The following SSH2 variants were observed in gnomAD, a reference collection of about 807,000 sequenced individuals.
SSH2 encodes the protein protein phosphatase Slingshot homolog 2.
In SSH2, 37 loss-of-function variants were observed where a neutral mutation model predicts 135.2. The observed-to-expected ratio is 0.27, with a 90% CI of 0.21 to 0.36. The LOEUF (loss-of-function observed/expected upper bound fraction) is 0.36, where lower values mean the gene tolerates loss of function less well. Ranked by LOEUF, SSH2 falls within the 10% of genes least tolerant of loss-of-function variation. SSH2 has a pLI of 1.00. For missense variants in SSH2, 1,408 were observed against 1,765.3 expected (o/e 0.80, Z 3.63); for synonymous variants, 628 against 646.2 (o/e 0.97, Z 0.43).
rs1719115580 is a variant in SSH2, at chr17:29,630,662, T to C, written c.*179A>G. 1 of 464,062 alleles carries C rather than the reference T, an allele frequency of 2.2e-6. No homozygotes were observed. Among genetic ancestry groups the C allele is most frequent in the South Asian group, 6.8e-5 (1 of 14,656 alleles). The allele number at this position is 464,062 out of a possible 1,614,324, so 28.7% of individuals were successfully genotyped here. ...GTCTTGCCATCCAGATCAATCTCTC[T>C]TTCCCCTTACATATACACACACATA... is the stretch of plus-strand genomic sequence containing the variant. On this transcript the variant is annotated 3_prime_UTR_variant, in exon 16 of 16. Coordinates refer to ENST00000540801, the MANE Select transcript of SSH2 (RefSeq NM_001282129.2).
chr17:29,833,936 C>G (rs1216372503), intron 2 of SSH2, among the ~76,000 whole-genome samples: 2 of 131,626 alleles, frequency 1.5e-5, no homozygotes, highest in African/African-American at 5.8e-5. Context: ...TCCCTCCCTC[C>G]CTCCCTGCCT....
At chr17:29,775,857 CT>C (rs1479400001) in intron 3 of SSH2, 11 of 152,214 alleles carry the variant, frequency 7.2e-5, no homozygotes, top group Admixed American at 4.6e-4. Flanking sequence ...TTCAAATACT[CT>C]GTGTTCCAGG....
At chr17:29,747,918 C>G (rs1346849742) in intron 3 of SSH2, among the ~76,000 whole-genome samples, 1 of 152,178 alleles carries the variant, frequency 6.6e-6, no homozygotes, top group Non-Finnish European at 1.5e-5. Flanking sequence ...CTGACAACAT[C>G]TTTAGTTATT....
At chr17:29,746,547 CAAAAAAAA>C (rs57217896) in intron 3 of SSH2, among the ~76,000 whole-genome samples, 7 of 67,938 alleles carry the variant, frequency 1.0e-4, no homozygotes, top group African/African-American at 4.1e-4. Flanking sequence ...GACTCTGTCT[CAAAAAAAA>C]AAAAAAAAAA....
At chr17:29,633,144 C>T (rs564268527) in intron 15 of SSH2, among the ~76,000 whole-genome samples, 42 of 152,302 alleles carry the variant, frequency 2.8e-4, no homozygotes, top group African/African-American at 9.4e-4. Flanking sequence ...TTTGTTATAG[C>T]TTGTGTTACT....
At chr17:29,889,905 G>A (rs971736895) in intron 1 of SSH2, among the ~76,000 whole-genome samples, 4 of 150,922 alleles carry the variant, frequency 2.7e-5, no homozygotes, top group African/African-American at 9.8e-5. Context: ...GCTGCAGTGA[G>A]CTGTGATTGT....
chr17:29,807,616 C>A (rs973058765), intron 2 of SSH2, among the ~76,000 whole-genome samples: 1 of 152,038 alleles, frequency 6.6e-6, no homozygotes, highest in African/African-American at 2.4e-5. Context: ...CACAGGAATT[C>A]AGAAGAGAGA....
intron 2 of SSH2, among the ~76,000 whole-genome samples, chr17:29,794,862 T>C (rs1345689434): frequency 1.3e-5 from 2 of 152,220 alleles, no homozygotes; most frequent in Non-Finnish European, 1.5e-5. Context: ...AATTAGTATA[T>C]GTTATGATAT....
chr17:29,732,924 G>A (rs551123989), intron 3 of SSH2, among the ~76,000 whole-genome samples: 58 of 152,266 alleles, frequency 3.8e-4, no homozygotes, highest in African/African-American at 1.4e-3. Context: ...TATCTTTCAG[G>A]TAACTCACTT....
At chr17:29,864,886 T>C (rs955842971) in intron 1 of SSH2, among the ~76,000 whole-genome samples, 1 of 152,114 alleles carries the variant, frequency 6.6e-6, no homozygotes, top group Non-Finnish European at 1.5e-5. Context: ...ATCTACCAAA[T>C]AAAAATCTAG....
intron 3 of SSH2, among the ~76,000 whole-genome samples, chr17:29,783,060 G>A (rs1462068355): frequency 1.3e-5 from 2 of 151,712 alleles, no homozygotes; most frequent in Non-Finnish European, 2.9e-5. Flanking sequence ...TTGTTGGGTA[G>A]GGGGCCATTG....
At chr17:29,761,026 G>A (rs939944131) in intron 3 of SSH2, 3 of 1,047,702 alleles carry the variant, frequency 2.9e-6, no homozygotes, top group Non-Finnish European at 3.8e-6. Context: ...GAGACCTCCA[G>A]GCAAGCAGGA....
chr17:29,756,742 C>T (rs1598946743), intron 3 of SSH2, among the ~76,000 whole-genome samples: 1 of 151,978 alleles, frequency 6.6e-6, no homozygotes, highest in East Asian at 1.9e-4. Flanking sequence ...GCAACCTCTG[C>T]CTCCCGGGTT....
intron 2 of SSH2, among the ~76,000 whole-genome samples, chr17:29,797,844 C>T (rs1043171185): frequency 6.6e-6 from 1 of 152,082 alleles, no homozygotes; most frequent in African/African-American, 2.4e-5. Context: ...GCTATGATCA[C>T]GCCACTGCAT....
intron 3 of SSH2, among the ~76,000 whole-genome samples, chr17:29,725,622 A>T (rs1295814194): frequency 6.6e-6 from 1 of 152,242 alleles, no homozygotes; most frequent in East Asian, 1.9e-4. Context: ...GCTGGAAAAC[A>T]TCATTCTCAA....
At chr17:29,806,483 C>A (rs756856237) in intron 2 of SSH2, among the ~76,000 whole-genome samples, 1 of 152,182 alleles carries the variant, frequency 6.6e-6, no homozygotes, top group African/African-American at 2.4e-5. Context: ...TTTCTGAAGA[C>A]CCCACACTTG....
intron 3 of SSH2, among the ~76,000 whole-genome samples, chr17:29,742,286 A>C (rs1431936152): frequency 2.1e-5 from 3 of 143,138 alleles, no homozygotes; most frequent in Admixed American, 6.8e-5. Context: ...CCAAACAAAC[A>C]AAAAAAAAAT....
chr17:29,862,542 G>T (rs879939209), intron 1 of SSH2, among the ~76,000 whole-genome samples: 41 of 152,186 alleles, frequency 2.7e-4, no homozygotes, highest in Non-Finnish European at 3.2e-4. Context: ...AGTAGCAACA[G>T]CTCCTACTGG....
At chr17:29,736,367 G>A (rs1231006284) in intron 3 of SSH2, among the ~76,000 whole-genome samples, 1 of 152,198 alleles carries the variant, frequency 6.6e-6, no homozygotes, top group African/African-American at 2.4e-5. Flanking sequence ...AGAAATCTAA[G>A]ATCTTATGCA....
Sources: gnomAD v4.1 joint callset for allele counts (sites outside exome capture counted in the v4.1 genomes callset) on GRCh38, gnomAD v4.1.1 for gene constraint, MANE v1.5 for transcripts, NCBI Gene and HGNC (gene_info 2026-07-23, HGNC 2026-07-21) for gene names.